The following CTNND2 variants were observed in gnomAD, a reference collection of about 807,000 sequenced individuals.
CTNND2 encodes the protein catenin delta-2.
CTNND2 carries 22 observed loss-of-function variants against 144.4 expected under a neutral mutation model. The observed-to-expected ratio is 0.15, with a 90% CI of 0.11 to 0.22. The LOEUF is 0.22. CTNND2 is among the 10% of genes least tolerant of loss of function. The pLI, the probability that CTNND2 is intolerant of heterozygous loss-of-function variation, is 1.00. For synonymous variants in CTNND2, 751 were observed against 695.6 expected, an observed-to-expected ratio of 1.08 and a Z score of -1.25; for missense variants, 1,353 against 1,618.8, an observed-to-expected ratio of 0.84 and a Z score of 2.82.
At chr5:11,697,890 A>G (rs1785210996) in intron 2 of CTNND2, among the ~76,000 whole-genome samples, 1 of 152,230 alleles carries the variant, frequency 6.6e-6, no homozygotes, top group Admixed American at 6.5e-5. Flanking sequence ...CAAACAGCAC[A>G]TCTAACACCC....
At chr5:11,176,470 G>T (rs1760492993) in intron 11 of CTNND2, among the ~76,000 whole-genome samples, 1 of 152,052 alleles carries the variant, frequency 6.6e-6, no homozygotes, top group Non-Finnish European at 1.5e-5. Context: ...TGTCTCTGTT[G>T]CTAGTCTAAG....
intron 2 of CTNND2, among the ~76,000 whole-genome samples, chr5:11,685,101 A>G (rs1220398126): frequency 1.3e-5 from 2 of 152,206 alleles, no homozygotes; most frequent in Non-Finnish European, 2.9e-5. Context: ...ATAGTTTAGT[A>G]TAAGTGCATT....
intron 16 of CTNND2, among the ~76,000 whole-genome samples, chr5:11,072,528 G>T (rs981503414): frequency 6.6e-6 from 1 of 152,134 alleles, no homozygotes; most frequent in African/African-American, 2.4e-5. Flanking sequence ...ATATTGTTAC[G>T]AACTTTCTGG....
intron 3 of CTNND2, among the ~76,000 whole-genome samples, chr5:11,443,201 GGTGT>G (rs1377570892): frequency 2.0e-5 from 3 of 147,150 alleles, no homozygotes; most frequent in Non-Finnish European, 3.0e-5. Flanking sequence ...GTGTGTGTGT[GGTGT>G]GTATGTGTGT....
intron 18 of CTNND2, among the ~76,000 whole-genome samples, chr5:10,995,581 G>A (rs1250881054): frequency 5.3e-5 from 8 of 152,300 alleles, no homozygotes; most frequent in Non-Finnish European, 5.9e-5. Context: ...TATTTTAAAC[G>A]GAAATGGAGA....
At chr5:11,052,342 C>G (rs1745929346) in intron 16 of CTNND2, among the ~76,000 whole-genome samples, 1 of 152,152 alleles carries the variant, frequency 6.6e-6, no homozygotes, top group Non-Finnish European at 1.5e-5. Context: ...ACACATACAG[C>G]TAGACAACAA....
At chr5:11,822,254 G>A (rs1440060998) in intron 1 of CTNND2, among the ~76,000 whole-genome samples, 1 of 152,178 alleles carries the variant, frequency 6.6e-6, no homozygotes, top group Non-Finnish European at 1.5e-5. Context: ...GGCAGTAACT[G>A]TCTATCAGTC....
chr5:11,378,300 G>T (rs2149790675), intron 7 of CTNND2, among the ~76,000 whole-genome samples: 1 of 152,314 alleles, frequency 6.6e-6, no homozygotes, highest in South Asian at 2.1e-4. Context: ...GGTTCCTAAT[G>T]CTTATGAGGA....
chr5:11,252,900 T>C (rs1743818526), intron 9 of CTNND2, among the ~76,000 whole-genome samples: 1 of 152,218 alleles, frequency 6.6e-6, no homozygotes, highest in South Asian at 2.1e-4. Flanking sequence ...GCTCTTTCAA[T>C]TATGATTGCC....
At chr5:11,737,525 C>A (rs1787756278) in intron 1 of CTNND2, among the ~76,000 whole-genome samples, 1 of 152,200 alleles carries the variant, frequency 6.6e-6, no homozygotes, top group Non-Finnish European at 1.5e-5. Flanking sequence ...TCTAGCAGAA[C>A]TTGGTACCAA....
At position 11,431,677 on chromosome 5, in the gene CTNND2, C is replaced by T. The variant is rs75268311; in HGVS notation, c.288-19608G>A. Among the ~76,000 whole-genome samples, 577 of 152,250 alleles carry T rather than the reference C, an allele frequency of 3.8e-3. 4 individuals are homozygous for T. In the South Asian group the frequency reaches 0.048, roughly 13 times the overall value. ...CATAGAGAAGCACTGAGGTGACAGA[C>T]GTGTGAGTGAAGCCCTCCGAAACCT... On this transcript the variant is annotated intron_variant, in intron 3 of 21. Transcript: ENST00000304623.
chr5:11,178,321 A>G (rs1760670282), intron 11 of CTNND2, among the ~76,000 whole-genome samples: 1 of 152,208 alleles, frequency 6.6e-6, no homozygotes, highest in Admixed American at 6.5e-5. Context: ...TTAGTTGAGG[A>G]ATACTCTTGA....
At chr5:11,896,006 A>G (rs1215478562) in intron 1 of CTNND2, among the ~76,000 whole-genome samples, 2 of 152,172 alleles carry the variant, frequency 1.3e-5, no homozygotes, top group African/African-American at 4.8e-5. Context: ...TGAGAGAAAT[A>G]TAAATTATAT....
intron 3 of CTNND2, among the ~76,000 whole-genome samples, chr5:11,503,515 T>C (rs1292524069): frequency 2.6e-5 from 4 of 152,224 alleles, no homozygotes; most frequent in African/African-American, 7.2e-5. Flanking sequence ...CTGCCAATTA[T>C]GTGATAATAA....
intron 2 of CTNND2, among the ~76,000 whole-genome samples, chr5:11,693,353 G>A (rs1041470586): frequency 1.3e-5 from 2 of 152,176 alleles, no homozygotes; most frequent in East Asian, 1.9e-4. Context: ...GGACAGATAC[G>A]CAGACTTTAG....
chr5:11,248,390 G>C (rs1382094959), intron 9 of CTNND2, among the ~76,000 whole-genome samples: 1 of 151,670 alleles, frequency 6.6e-6, no homozygotes, highest in Non-Finnish European at 1.5e-5. Flanking sequence ...TATATGTGCA[G>C]ATCTGTGTGT....
chr5:11,542,809 T>C (rs916583618), intron 3 of CTNND2, among the ~76,000 whole-genome samples: 5 of 152,170 alleles, frequency 3.3e-5, no homozygotes, highest in Admixed American at 1.3e-4. Context: ...ACCCTACCTC[T>C]GCTTTACGTG....
At chr5:11,332,684 C>T (rs1580933297) in intron 9 of CTNND2, among the ~76,000 whole-genome samples, 1 of 152,222 alleles carries the variant, frequency 6.6e-6, no homozygotes, top group South Asian at 2.1e-4. Context: ...TACTTTTGGT[C>T]TCTTAGATTT....
chr5:11,510,098 T>C (rs1317176026), intron 3 of CTNND2, among the ~76,000 whole-genome samples: 1 of 152,012 alleles, frequency 6.6e-6, no homozygotes, highest in Admixed American at 6.6e-5. Context: ...ACTTGGCAAA[T>C]TTTTTATTTT....
Sources: allele counts gnomAD v4.1 joint callset (sites outside exome capture counted in the v4.1 genomes callset), GRCh38; gene constraint gnomAD v4.1.1; transcripts MANE v1.5; gene names NCBI Gene and HGNC (gene_info 2026-07-23, HGNC 2026-07-21).